ZNF625: variants seen among roughly 807,000 people sequenced by gnomAD.
The protein encoded by ZNF625 is zinc finger protein 625.
Under a neutral mutation model 11.1 loss-of-function variants are expected in ZNF625, and 8 were observed. That is an observed-to-expected ratio of 0.72 (90% CI 0.42 to 1.30). The LOEUF (loss-of-function observed/expected upper bound fraction) is 1.30. Among genes scored for constraint, ZNF625 ranks in the 50% most tolerant of loss-of-function variants. The pLI, the probability that ZNF625 is intolerant of heterozygous loss-of-function variation, is 0.01. For missense variants in ZNF625, 349 were observed against 447.6 expected (o/e 0.78, Z 1.99); for synonymous variants, 145 against 153.4 (o/e 0.95, Z 0.41).
rs754558097 is a variant in ZNF625, at chr19:12,147,482, C to A, written c.131-27G>T. On this transcript the variant is annotated intron_variant, in intron 2 of 3. Coordinates refer to ENST00000439556, the MANE Select transcript of ZNF625 (RefSeq NM_145233.4). Reference sequence around the variant, plus strand: ...TAAAATACAGAACCAGAAAAATAGTCCTGAATTAGCAAAATTATGAAAAAA... The same window carrying A: ...TAAAATACAGAACCAGAAAAATAGTACTGAATTAGCAAAATTATGAAAAAA... 3.3e-6 allele frequency: 5 copies of A among 1,515,166 alleles called. No individual in the cohort carries two copies. The South Asian group carries it at 6.3e-5, about 19-fold the overall frequency. 93.9% of individuals were successfully genotyped at this position (1,515,166 alleles called of 1,614,324 possible). A position where few individuals can be genotyped will look rare whatever the true frequency, so the allele number is the denominator to read the frequency against.
At chr19:12,146,724 G>A (rs995057797) in intron 3 of ZNF625, among the ~76,000 whole-genome samples, 4 of 152,084 alleles carry the variant, frequency 2.6e-5, no homozygotes, top group Non-Finnish European at 5.9e-5. Context: ...ACACCTGGGC[G>A]CCCGGCCAAC....
chr19:12,145,424 T>C lies in ZNF625; in HGVS notation c.992A>G (p.Tyr331Cys). 1 of 1,614,168 alleles carries C rather than the reference T, an allele frequency of 6.2e-7. No individual in the cohort carries two copies. The highest frequency in any genetic ancestry group is 8.5e-7 in the Non-Finnish European group (1 of 1,180,026). The change falls in exon 4 of 4, where the codon TAT (tyrosine) becomes TGT (cysteine). Residue 331 changes from tyrosine to cysteine, a missense_variant. Transcript: ENST00000439556. ...GGCTTTACCACATTGTTTACATTCA[T>C]AGGGTTTCTCTCCAGTGTGAGTCCT... Reference protein sequence around the residue: ...HGRTHTGEKPYECKQCGKAFG... With the variant: ...HGRTHTGEKPCECKQCGKAFG...
chr19:12,152,058 A>C (rs958871444), intron 1 of ZNF625, among the ~76,000 whole-genome samples: 1 of 151,992 alleles, frequency 6.6e-6, no homozygotes, highest in African/African-American at 2.4e-5. Context: ...AGGAAATGAA[A>C]CTCACTATAC....
intron 1 of ZNF625, among the ~76,000 whole-genome samples, chr19:12,154,375 A>G (rs1439152373): frequency 6.6e-6 from 1 of 151,614 alleles, no homozygotes; most frequent in African/African-American, 2.4e-5. Flanking sequence ...TAATTTTTCT[A>G]TTTTTCTTTT....
chr19:12,147,895 G>GAA, intron 1 of ZNF625, 93 bp from the exon 2 acceptor site: 2 of 1,476,994 alleles, frequency 1.4e-6, no homozygotes, highest in Non-Finnish European at 1.8e-6. Flanking sequence ...TGGTGCTATG[G>GAA]ACTCCAAACA....
rs765180342 is a variant in ZNF625, at chr19:12,147,387, C to A, written c.191+8G>T. On this transcript the variant is annotated splice_region_variant and intron_variant, in intron 3 of 3. Coordinates refer to ENST00000439556, the MANE Select transcript of ZNF625 (RefSeq NM_145233.4). Reference sequence around the variant, plus strand: ...GAGACATCACTTTCTCTTGTGAATGCGAATTACCTTAGGTTTCTCCTGGGA... The same window carrying A: ...GAGACATCACTTTCTCTTGTGAATGAGAATTACCTTAGGTTTCTCCTGGGA... The A allele has an allele frequency of 3.9e-6, 6 of 1,524,796 alleles. No homozygotes were observed. The East Asian group carries it at 1.5e-4, about 37-fold the overall frequency. The allele number at this position is 1,524,796 out of a possible 1,614,324, so 94.5% of individuals were successfully genotyped here. A position where few individuals can be genotyped will look rare whatever the true frequency, so the allele number is the denominator to read the frequency against.
intron 1 of ZNF625, among the ~76,000 whole-genome samples, chr19:12,148,859 T>C (rs1164536648): frequency 6.6e-6 from 1 of 151,828 alleles, no homozygotes; most frequent in African/African-American, 2.4e-5. Flanking sequence ...CCTGACCTTG[T>C]GATCCACCTG....
chr19:12,149,800 C>T (rs191769027), intron 1 of ZNF625, among the ~76,000 whole-genome samples: 10 of 151,674 alleles, frequency 6.6e-5, no homozygotes, highest in Middle Eastern at 3.4e-3. Flanking sequence ...AGTGCAATGG[C>T]GCGCTCTTGG....
chr19:12,145,155 G>A lies in ZNF625; in HGVS notation c.*142C>T, dbSNP rs1447050017. ...TACTCCCAAAAATTTTTGCTCCTGG[G>A]CTACTGGCATTTATTTCTGAATGCT... On this transcript the variant is annotated 3_prime_UTR_variant, in exon 4 of 4. Coordinates refer to ENST00000439556, the MANE Select transcript of ZNF625 (RefSeq NM_145233.4). 9.3e-7 allele frequency: 1 copy of A among 1,080,160 alleles called. No individual in the cohort carries two copies. The highest frequency in any genetic ancestry group is 1.6e-5 in the African/African-American group (1 of 63,368). The allele number at this position is 1,080,160 out of a possible 1,614,324, so 66.9% of individuals were successfully genotyped here. A position where few individuals can be genotyped will look rare whatever the true frequency, so the allele number is the denominator to read the frequency against.
chr19:12,146,840 T>C (rs1298368387), intron 3 of ZNF625, among the ~76,000 whole-genome samples: 1 of 152,214 alleles, frequency 6.6e-6, no homozygotes, highest in East Asian at 1.9e-4. Flanking sequence ...GTAATGGTGC[T>C]ATCATGGCCG....
intron 3 of ZNF625, 65 bp downstream of exon 3, chr19:12,147,330 T>C: frequency 7.5e-7 from 1 of 1,334,454 alleles, no homozygotes; most frequent in Non-Finnish European, 1.0e-6. Flanking sequence ...TGCTTCTTTT[T>C]AACATTTTCT....
Position 12,145,999 on chromosome 19 carries a change from G to A in ZNF625, c.417C>T (p.Tyr139=), listed in dbSNP as rs763026156. The change falls in exon 4 of 4, where the codon TAC becomes TAT. Residue 139 remains tyrosine (Y), a synonymous_variant. Coordinates refer to ENST00000439556, the MANE Select transcript of ZNF625 (RefSeq NM_145233.4). ...EYGQKPYKCT[Y]CKKAFSDLPY... ...GGAGATCACTGAAGGCTTTCTTACAGTATGTACATTTATATGGCTTCTGTC... is the reference window on the plus strand; with the variant it reads ...GGAGATCACTGAAGGCTTTCTTACAATATGTACATTTATATGGCTTCTGTC... The A allele has an allele frequency of 1.7e-5, 28 of 1,614,088 alleles. No homozygotes were observed. The highest frequency in any genetic ancestry group is 2.2e-5 in the Non-Finnish European group (26 of 1,180,048).
intron 1 of ZNF625, among the ~76,000 whole-genome samples, chr19:12,154,230 C>G (rs1340372753): frequency 6.6e-6 from 1 of 152,108 alleles, no homozygotes; most frequent in Non-Finnish European, 1.5e-5. Context: ...GACTTCATGG[C>G]CATCACAGTG....
intron 1 of ZNF625, among the ~76,000 whole-genome samples, chr19:12,152,147 TATATATC>T (rs1467821553): frequency 6.6e-6 from 1 of 152,280 alleles, no homozygotes; most frequent in Middle Eastern, 3.4e-3. Context: ...ATGTGGCACT[TATATATC>T]ATATACACGT....
intron 3 of ZNF625, 74 bp downstream of exon 3, chr19:12,147,321 G>T: frequency 7.8e-7 from 1 of 1,288,642 alleles, no homozygotes; most frequent in Non-Finnish European, 1.1e-6. Flanking sequence ...TTTCTTGTTT[G>T]CTTCTTTTTA....
chr19:12,155,003 A>C (rs2145616130), intron 1 of ZNF625, among the ~76,000 whole-genome samples: 1 of 152,216 alleles, frequency 6.6e-6, no homozygotes, highest in African/African-American at 2.4e-5. Flanking sequence ...AGGCAGGCGG[A>C]TTATTTGAGG....
chr19:12,145,615 T>A lies in ZNF625; in HGVS notation c.801A>T (p.Ile267=). 1 of 1,614,028 alleles carries A rather than the reference T, an allele frequency of 6.2e-7. No individual in the cohort carries two copies. Among genetic ancestry groups the A allele is most frequent in the Non-Finnish European group, 8.5e-7 (1 of 1,179,998 alleles). ...HSSTCLHAHK[I]THTGEKPYEC... ...CATACGGCTTCTCCCCAGTGTGAGT[T>A]ATTTTATGTGCATGGAGGCATGTGG... Residue 267 remains isoleucine, a synonymous_variant, in exon 4 of 4, where the codon ATA becomes ATT. Transcript: ENST00000439556.
chr19:12,151,941 C>T (rs1217852963), intron 1 of ZNF625, among the ~76,000 whole-genome samples: 2 of 152,116 alleles, frequency 1.3e-5, no homozygotes, highest in Non-Finnish European at 2.9e-5. Flanking sequence ...TCTTCCTAAA[C>T]CTAAGATCAT....
At chr19:12,154,318 A>C (rs8109178) in intron 1 of ZNF625, among the ~76,000 whole-genome samples, 1 of 152,116 alleles carries the variant, frequency 6.6e-6, no homozygotes, top group South Asian at 2.1e-4. Context: ...CTCCTGCCTC[A>C]GTGTCCCTTG....
Sources: allele counts gnomAD v4.1 joint callset (sites outside exome capture counted in the v4.1 genomes callset), GRCh38; gene constraint gnomAD v4.1.1; transcripts MANE v1.5; gene names NCBI Gene and HGNC (gene_info 2026-07-23, HGNC 2026-07-21).